The following UPF2 variants were observed in gnomAD, a reference collection of about 807,000 sequenced individuals.
UPF2 encodes the protein regulator of nonsense transcripts 2.
A neutral mutation model predicts 141.4 loss-of-function variants in UPF2; 17 were observed. The ratio of observed to expected loss-of-function variants is 0.12; its 90% CI spans 0.08 to 0.18. UPF2 has a LOEUF of 0.18. UPF2 is among the 10% of genes least tolerant of loss of function. The pLI is 1.00. For missense variants in UPF2, 1,152 were observed against 1,515.9 expected (o/e 0.76, Z 3.99); for synonymous variants, 540 against 498.0 (o/e 1.08, Z -1.12).
rs780215456 is a variant in UPF2 at position 11,936,641 on chromosome 10, C to T, written c.3450G>A (p.Leu1150=). ...CACCTCCCAGTGGGGGCCCTTTCCT[C>T]AGCTGGCTTTTGAGATGCAAAGGAA... ...VAIPLHLKSQ[L]RKGPPLGGGE... The change falls in exon 19 of 22, where the codon CTG becomes CTA. Residue 1150 remains leucine, a synonymous_variant. Coordinates refer to ENST00000357604, the MANE Select transcript of UPF2 (RefSeq NM_015542.4). This position sits in a 1 kb window ranked among gnomAD's most constrained non-coding sequence, Gnocchi z 6.6. 1.9e-6 allele frequency: 3 copies of T among 1,613,556 alleles called. No individual in the cohort carries two copies. Among genetic ancestry groups the T allele is most frequent in the Non-Finnish European group, 2.5e-6 (3 of 1,179,774 alleles).
intron 9 of UPF2, among the ~76,000 whole-genome samples, chr10:11,973,395 C>T (rs1833453273): frequency 6.6e-6 from 1 of 152,146 alleles, no homozygotes; most frequent in Non-Finnish European, 1.5e-5. Flanking sequence ...TTAATTAGAT[C>T]CCATTTGTCA....
intron 8 of UPF2, among the ~76,000 whole-genome samples, chr10:11,990,588 G>A (rs1042397562): frequency 7.9e-5 from 12 of 151,524 alleles, no homozygotes; most frequent in African/African-American, 2.2e-4. Context: ...GCTGAGGCAG[G>A]AGAATAGCGT....
intron 4 of UPF2, among the ~76,000 whole-genome samples, chr10:12,011,754 T>C (rs571017007): frequency 2.1e-3 from 316 of 152,010 alleles, no homozygotes; most frequent in African/African-American, 7.4e-3. Flanking sequence ...GAGACCAGCC[T>C]GACCAACATG....
chr10:12,013,277 ATT>A (rs1215529268), intron 4 of UPF2, among the ~76,000 whole-genome samples: 17 of 137,664 alleles, frequency 1.2e-4, no homozygotes, highest in East Asian at 2.1e-4. Context: ...CACCCCTAAA[ATT>A]TTTTTTTTTT....
intron 8 of UPF2, among the ~76,000 whole-genome samples, chr10:11,994,315 C>T (rs537612165): frequency 5.9e-5 from 9 of 152,168 alleles, no homozygotes; most frequent in South Asian, 4.2e-4. Context: ...TTTAAAATAA[C>T]GAACAAAGGA....
At chr10:12,004,394 C>T in intron 5 of UPF2, 136 bp downstream of exon 5, 1 of 636,156 alleles carries the variant, frequency 1.6e-6, no homozygotes, top group Non-Finnish European at 2.6e-6. Flanking sequence ...ATAATTCTGT[C>T]ACTCATTTAC....
chr10:11,945,986 T>C (rs963761639), intron 16 of UPF2, among the ~76,000 whole-genome samples: 3 of 152,144 alleles, frequency 2.0e-5, no homozygotes, highest in African/African-American at 7.2e-5. Context: ...ATAATGTTCA[T>C]CTAGTATACT....
At chr10:11,977,207 G>C (rs558392800) in intron 9 of UPF2, among the ~76,000 whole-genome samples, 1 of 152,294 alleles carries the variant, frequency 6.6e-6, no homozygotes, top group South Asian at 2.1e-4. Context: ...GTTGCAGCGG[G>C]GGGAGGGCAG....
chr10:11,928,870 C>T (rs1158093802), intron 21 of UPF2, among the ~76,000 whole-genome samples: 2 of 152,190 alleles, frequency 1.3e-5, no homozygotes, highest in Non-Finnish European at 2.9e-5. Context: ...AAAAAACAGG[C>T]CGGGCATGGT....
At chr10:12,010,424 A>G (rs1367307226) in intron 4 of UPF2, among the ~76,000 whole-genome samples, 1 of 152,236 alleles carries the variant, frequency 6.6e-6, no homozygotes, top group Admixed American at 6.5e-5. Context: ...CAAAGAAAAT[A>G]TGACAAGACA....
At chr10:12,027,678 C>G (rs985744503) in intron 3 of UPF2, among the ~76,000 whole-genome samples, 2 of 152,282 alleles carry the variant, frequency 1.3e-5, no homozygotes, top group African/African-American at 4.8e-5. Context: ...GTCTTAAATT[C>G]TCACCTCTGA....
chr10:11,971,236 C>T (rs1053111125), intron 9 of UPF2, among the ~76,000 whole-genome samples: 1 of 149,070 alleles, frequency 6.7e-6, no homozygotes, highest in Non-Finnish European at 1.5e-5. Flanking sequence ...CCTCATTCAA[C>T]ATTTTTCACT....
At chr10:12,031,763 G>GAGCC (rs1223341716) in intron 2 of UPF2, among the ~76,000 whole-genome samples, 2 of 152,042 alleles carry the variant, frequency 1.3e-5, no homozygotes, top group East Asian at 1.9e-4. Flanking sequence ...GTGACAGAGT[G>GAGCC]AGCCCTGTCT....
intron 3 of UPF2, 80 bp downstream of exon 3, chr10:12,028,665 C>T: frequency 7.1e-7 from 1 of 1,417,088 alleles, no homozygotes; most frequent in Non-Finnish European, 9.4e-7. Flanking sequence ...TAAGTTCTTT[C>T]AGTGGCATGA....
At chr10:11,944,029 A>T (rs1480661184) in intron 16 of UPF2, among the ~76,000 whole-genome samples, 1 of 151,646 alleles carries the variant, frequency 6.6e-6, no homozygotes, top group Non-Finnish European at 1.5e-5. Context: ...AAAACCAAAA[A>T]CCCACTAAAC....
chr10:12,031,123 G>A (rs373788310), intron 2 of UPF2, among the ~76,000 whole-genome samples: 2 of 135,766 alleles, frequency 1.5e-5, no homozygotes, highest in African/African-American at 2.8e-5. Flanking sequence ...GCAGTGAGCC[G>A]ATATAGTGCC....
intron 1 of UPF2, among the ~76,000 whole-genome samples, chr10:12,041,872 G>T (rs536287691): frequency 6.6e-6 from 1 of 152,268 alleles, no homozygotes; most frequent in African/African-American, 2.4e-5. Context: ...CTGATGCATC[G>T]TTTCGTGTCG....
chr10:12,023,529 A>G, intron 3 of UPF2, among the ~76,000 whole-genome samples: 1 of 149,724 alleles, frequency 6.7e-6, no homozygotes. Context: ...AAAAAAAAAT[A>G]GAGAATTAAA....
Position 12,004,700 on chromosome 10 carries a change from G to A in UPF2, c.1334C>T (p.Thr445Ile). The change falls in exon 5 of 22, where the codon ACA becomes ATA. Residue 445 changes from threonine to isoleucine, a missense_variant. Thr to Ile is a moderately conservative substitution (Grantham distance 89). Coordinates refer to ENST00000357604, the MANE Select transcript of UPF2 (RefSeq NM_015542.4). ...GTCATATTCTCCAGGTTTACCAGGTGTGAATATATCAATTCCAGGCCCATG... is the reference window on the plus strand; with the variant it reads ...GTCATATTCTCCAGGTTTACCAGGTATGAATATATCAATTCCAGGCCCATG... ...EEHGPGIDIFTPGKPGEYDLE... is the reference protein window; with the variant it reads ...EEHGPGIDIFIPGKPGEYDLE... The A allele has an allele frequency of 6.2e-7, 1 of 1,613,632 alleles. No individual in the cohort carries two copies. The highest frequency in any genetic ancestry group is 8.5e-7 in the Non-Finnish European group (1 of 1,179,806).
Sources: gnomAD v4.1 joint callset for allele counts (sites outside exome capture counted in the v4.1 genomes callset) on GRCh38, gnomAD v4.1.1 for gene constraint, Gnocchi (gnomAD v3.1) non-coding constraint, MANE v1.5 for transcripts, NCBI Gene and HGNC (gene_info 2026-07-23, HGNC 2026-07-21) for gene names.